The following ZNF285 variants were observed in gnomAD, a reference collection of about 807,000 sequenced individuals.
ZNF285 encodes zinc finger protein 285.
In ZNF285, 4 loss-of-function variants were observed where a neutral mutation model predicts 6.2. The observed-to-expected ratio is 0.65, with a 90% CI of 0.32 to 1.49. The LOEUF (loss-of-function observed/expected upper bound fraction) is 1.49, where lower values mean the gene tolerates loss of function less well. Ranked by LOEUF, ZNF285 falls within the 40% of genes most tolerant of loss-of-function variation. The pLI is 0.07. For synonymous variants in ZNF285, 240 were observed against 245.8 expected (o/e 0.98, Z 0.22); for missense variants, 695 against 708.8 (o/e 0.98, Z 0.22).
intron 3 of ZNF285, among the ~76,000 whole-genome samples, chr19:44,391,260 G>A (rs112275114): frequency 0.062 from 9,347 of 151,860 alleles, 626 homozygotes; most frequent in Admixed American, 0.23. Flanking sequence ...CCCCAGGCAC[G>A]TGGAACTGTA....
intron 2 of ZNF285, chr19:44,394,422 G>T (rs908909675): frequency 2.3e-6 from 1 of 426,834 alleles, no homozygotes; most frequent in Non-Finnish European, 4.1e-6. Flanking sequence ...AAAAAAAAAA[G>T]AAGTACTGAA....
At chr19:44,400,218 T>C (rs1192159743) in intron 1 of ZNF285, among the ~76,000 whole-genome samples, 2 of 147,742 alleles carry the variant, frequency 1.4e-5, no homozygotes, top group African/African-American at 5.2e-5. Context: ...ACAAATGCCT[T>C]TCTCATCCCT....
chr19:44,392,498 T>G (rs770785407), intron 2 of ZNF285, 32 bp from the exon 3 acceptor site: 35 of 1,613,702 alleles, frequency 2.2e-5, no homozygotes, highest in Non-Finnish European at 3.0e-5. Context: ...ACGTCAATCA[T>G]CCACACAAAT....
At chr19:44,392,158 T>C in intron 3 of ZNF285, 182 bp downstream of exon 3, 1 of 1,445,076 alleles carries the variant, frequency 6.9e-7, no homozygotes, top group Non-Finnish European at 9.1e-7. Context: ...CACAAACCCA[T>C]CACAAGGGGC....
At chr19:44,399,555 C>T (rs1971341893) in intron 1 of ZNF285, among the ~76,000 whole-genome samples, 1 of 151,402 alleles carries the variant, frequency 6.6e-6, no homozygotes, top group Non-Finnish European at 1.5e-5. Context: ...CATAAACTCA[C>T]CCTCTACTTC....
Position 44,387,882 on chromosome 19 carries a change from A to T in ZNF285, c.363T>A (p.Asn121Lys). 6.2e-7 allele frequency: 1 copy of T among 1,613,894 alleles called. No individual in the cohort carries two copies. Among genetic ancestry groups the T allele is most frequent in the Non-Finnish European group, 8.5e-7 (1 of 1,179,850 alleles). ...TAATGGCATTTACTACATAGTTTTC[A>T]TTTTCAGAAATCTGAAGAGAAATGC... Reference protein sequence around the residue: ...WAGISLQISENENYVVNAIIK... With the variant: ...WAGISLQISEKENYVVNAIIK... Residue 121 changes from asparagine (N) to lysine (K), a missense_variant, in exon 4 of 4, where the codon AAT becomes AAA. Transcript: ENST00000614994.
chr19:44,391,624 C>T lies in ZNF285; in HGVS notation c.142+716G>A, dbSNP rs139841816. Among the ~76,000 whole-genome samples, 288 of 151,966 alleles carry T rather than the reference C, an allele frequency of 1.9e-3. 2 individuals are homozygous for T. Among genetic ancestry groups the T allele is most frequent in the African/African-American group, 6.6e-3 (273 of 41,400 alleles). On this transcript the variant is annotated intron_variant, in intron 3 of 3. Transcript: ENST00000614994. ...TGAGATTTATTCACTCTCATGAGAA[C>T]AGCATGAGAAAGACCCCTGCCCCAT...
intron 3 of ZNF285, among the ~76,000 whole-genome samples, chr19:44,391,937 C>T (rs1442301744): frequency 2.0e-5 from 3 of 152,122 alleles, no homozygotes; most frequent in Admixed American, 6.5e-5. Context: ...GTTCCTTTAA[C>T]ACCGGTTTAT....
chr19:44,392,492 C>A, intron 2 of ZNF285, 26 bp from the exon 3 acceptor site: 1 of 1,613,700 alleles, frequency 6.2e-7, no homozygotes. Flanking sequence ...CATGCCACGT[C>A]AATCATCCAC....
Position 44,383,801 on chromosome 19 carries a change from G to C in ZNF285, c.*2671C>G, listed in dbSNP as rs925884943. 25 of 152,122 alleles carry C rather than the reference G, an allele frequency of 1.6e-4. No individual in the cohort carries two copies. The highest frequency in any genetic ancestry group is 5.8e-4 in the African/African-American group (24 of 41,416). 9.4% of individuals were successfully genotyped at this position (152,122 alleles called of 1,614,324 possible). On this transcript the variant is annotated 3_prime_UTR_variant, in exon 4 of 4. Coordinates refer to ENST00000614994, the MANE Select transcript of ZNF285 (RefSeq NM_152354.6). ...TGCATCTTCATTTGTAAATGAGATT[G>C]GCTCCCACTGATTGGGAGCTAGACT...
chr19:44,393,281 C>T (rs1406742537), intron 2 of ZNF285, among the ~76,000 whole-genome samples: 1 of 152,052 alleles, frequency 6.6e-6, no homozygotes, highest in African/African-American at 2.4e-5. Flanking sequence ...TGATTGTTAA[C>T]AATTGGTGAA....
intron 3 of ZNF285, among the ~76,000 whole-genome samples, chr19:44,390,696 T>C (rs1432108680): frequency 2.0e-5 from 3 of 151,852 alleles, no homozygotes; most frequent in Non-Finnish European, 4.4e-5. Context: ...TGGGATAATA[T>C]GGTCTGGCTG....
rs561175530 is a variant in ZNF285 at position 44,398,314 on chromosome 19, CT to C, written c.-43-1059del. Among the ~76,000 whole-genome samples, 360 of 152,286 alleles carry C rather than the reference CT, an allele frequency of 2.4e-3. 3 individuals carry two copies. The highest frequency in any genetic ancestry group is 0.02 in the Middle Eastern group (6 of 294). On this transcript the variant is annotated intron_variant, in intron 1 of 3. Transcript: ENST00000614994. ...ATATACACTAAAGCCCCTTCCTGTT[CT>C]GCTTATATCAGTGGATTCCCTTGCC...
chr19:44,387,818 G>T lies in ZNF285; in HGVS notation c.427C>A (p.Gln143Lys), dbSNP rs375074313. 6.8e-6 allele frequency: 11 copies of T among 1,613,946 alleles called. No homozygotes were observed. The African/African-American group carries it at 1.5e-4, about 22-fold the overall frequency. The change falls in exon 4 of 4, where the codon CAG (glutamine) becomes AAG (lysine). Residue 143 changes from glutamine (Q) to lysine (K), a missense_variant. Transcript: ENST00000614994. ...QDITAWQSLT[Q>K]VLTPESWRKA... ...CTCCACGATTCTGGGGTAAGAACCT[G>T]TGTCAGGCTTTGCCATGCTGTGATA...
At position 44,387,864 on chromosome 19, in the gene ZNF285, A is replaced by G. The variant is rs2123264180; in HGVS notation, c.381T>C (p.Asn127=). ...QISENENYVV[N]AIIKNQDITA... ...TGATATCTTGATTTTTGATAATGGC[A>G]TTTACTACATAGTTTTCATTTTCAG... The change falls in exon 4 of 4, where the codon AAT becomes AAC. Residue 127 remains asparagine, a synonymous_variant. Coordinates refer to ENST00000614994, the MANE Select transcript of ZNF285 (RefSeq NM_152354.6). The G allele has an allele frequency of 1.9e-6, 3 of 1,613,918 alleles. No individual in the cohort carries two copies. The highest frequency in any genetic ancestry group is 2.5e-6 in the Non-Finnish European group (3 of 1,179,858).
intron 2 of ZNF285, among the ~76,000 whole-genome samples, chr19:44,392,919 A>G (rs999258341): frequency 6.6e-6 from 1 of 152,180 alleles, no homozygotes; most frequent in Admixed American, 6.6e-5. Context: ...TCACTTTTTC[A>G]TGGCAGATTA....
chr19:44,387,352 T>C lies in ZNF285; in HGVS notation c.893A>G (p.Lys298Arg), dbSNP rs1192495569. Reference protein sequence around the residue: ...YEFHEWPMGCKQSSDLPRYQK... With the variant: ...YEFHEWPMGCRQSSDLPRYQK... Reference sequence around the variant, plus strand: ...ATATCTGGGAAGGTCTGAGCTCTGTTTGCAGCCCATAGGCCATTCGTGGAA... The same window carrying C: ...ATATCTGGGAAGGTCTGAGCTCTGTCTGCAGCCCATAGGCCATTCGTGGAA... Residue 298 changes from lysine to arginine, a missense_variant, in exon 4 of 4, where the codon AAA (lysine) becomes AGA (arginine). Lys to Arg is a conservative substitution (Grantham distance 26, BLOSUM62 2). Transcript: ENST00000614994. The C allele has an allele frequency of 6.2e-7, 1 of 1,614,206 alleles. No individual in the cohort carries two copies. Among genetic ancestry groups the C allele is most frequent in the Non-Finnish European group, 8.5e-7 (1 of 1,180,034 alleles).
intron 2 of ZNF285, among the ~76,000 whole-genome samples, chr19:44,396,481 A>C (rs113770009): frequency 0.057 from 8,624 of 152,234 alleles, 358 homozygotes; most frequent in East Asian, 0.2. Context: ...GATGTGATTA[A>C]AGTCCATAAT....
At position 44,392,483 on chromosome 19, in the gene ZNF285, A is replaced by T. The variant is rs751376879; in HGVS notation, c.16-17T>A. On this transcript the variant is annotated splice_polypyrimidine_tract_variant and intron_variant, in intron 2 of 3. Transcript: ENST00000614994. Reference sequence around the variant, plus strand: ...CACCCTTTCCTAAAACATCAACCACATGCCACGTCAATCATCCACACAAAT... The same window carrying T: ...CACCCTTTCCTAAAACATCAACCACTTGCCACGTCAATCATCCACACAAAT... 3 of 1,613,684 alleles carry T rather than the reference A, an allele frequency of 1.9e-6. No homozygotes were observed. The African/African-American group carries it at 4.0e-5, about 22-fold the overall frequency.
Sources: allele counts gnomAD v4.1 joint callset (sites outside exome capture counted in the v4.1 genomes callset), GRCh38; gene constraint gnomAD v4.1.1; transcripts MANE v1.5; gene names NCBI Gene and HGNC (gene_info 2026-07-23, HGNC 2026-07-21).